Variants in MORC3 observed in about 807,000 individuals in gnomAD.
MORC3 encodes the protein MORC family CW-type zinc finger 3, also known as MORC family CW-type zinc finger protein 3.
MORC3 carries 31 observed loss-of-function variants against 109.1 expected under a neutral mutation model. That is an observed-to-expected ratio of 0.28 (90% CI 0.21 to 0.38). The LOEUF (loss-of-function observed/expected upper bound fraction) is 0.38. Ranked by LOEUF, MORC3 falls within the 10% of genes least tolerant of loss-of-function variation. MORC3 has a pLI of 1.00. For missense variants in MORC3, 867 were observed against 1,135.8 expected, an observed-to-expected ratio of 0.76 and a Z score of 3.40; for synonymous variants, 395 against 380.7, an observed-to-expected ratio of 1.04 and a Z score of -0.44.
At chr21:36,363,454 C>T (rs1279205976) in intron 13 of MORC3, among the ~76,000 whole-genome samples, 2 of 152,064 alleles carry the variant, frequency 1.3e-5, no homozygotes, top group Admixed American at 6.6e-5. Context: ...ATCAAAAATG[C>T]ATTTAATACA....
intron 16 of MORC3, among the ~76,000 whole-genome samples, chr21:36,373,849 G>A (rs2085899521): frequency 1.3e-5 from 2 of 152,062 alleles, no homozygotes; most frequent in South Asian, 4.1e-4. Flanking sequence ...AAGAACAACT[G>A]TAACACTCAT....
At chr21:36,364,520 A>G (rs1355933847) in intron 14 of MORC3, among the ~76,000 whole-genome samples, 1 of 151,932 alleles carries the variant, frequency 6.6e-6, no homozygotes, top group Non-Finnish European at 1.5e-5. Flanking sequence ...CATCTCTACT[A>G]CAAATACAAA....
chr21:36,343,604 C>G (rs1407158627), intron 6 of MORC3, among the ~76,000 whole-genome samples: 3 of 151,700 alleles, frequency 2.0e-5, no homozygotes, highest in Non-Finnish European at 4.4e-5. Context: ...ATGCACTACC[C>G]TGCCTGGCTA....
At chr21:36,320,695 C>G (rs934809996) in intron 1 of MORC3, 1 of 198,992 alleles carries the variant, frequency 5.0e-6, no homozygotes, top group Admixed American at 6.1e-5. Flanking sequence ...GGTTCCGCGT[C>G]CAGAAACGCC....
At chr21:36,341,300 GTTTA>G (rs889330579) in intron 5 of MORC3, 95 bp from the exon 6 acceptor site, 39 of 1,173,348 alleles carry the variant, frequency 3.3e-5, no homozygotes, top group African/African-American at 4.7e-5. Flanking sequence ...CCATGTGTAG[GTTTA>G]TTTATTTGCT....
chr21:36,323,738 A>T (rs1250325773), intron 1 of MORC3, among the ~76,000 whole-genome samples: 3 of 152,182 alleles, frequency 2.0e-5, no homozygotes, highest in African/African-American at 7.2e-5. Context: ...TGGAAGCTCA[A>T]GTCCTTAACA....
chr21:36,367,924 G>A (rs1446972904), intron 14 of MORC3, among the ~76,000 whole-genome samples: 2 of 152,144 alleles, frequency 1.3e-5, no homozygotes. Flanking sequence ...ACTTGAGAGA[G>A]AAATAAAGAT....
chr21:36,357,043 C>G (rs188910831), intron 10 of MORC3, among the ~76,000 whole-genome samples: 1 of 152,314 alleles, frequency 6.6e-6, no homozygotes, highest in Non-Finnish European at 1.5e-5. Context: ...TGAAACCCAA[C>G]TTGAGTTCAT....
In MORC3 at chr21:36,369,596, C is replaced by T. The variant is rs769693996; in HGVS notation, c.2228C>T (p.Thr743Ile). The T allele has an allele frequency of 2.2e-5, 35 of 1,614,198 alleles. No homozygotes were observed. The highest frequency in any genetic ancestry group is 2.9e-5 in the Non-Finnish European group (34 of 1,180,046). ...AATGACAAGTATGTTAAGAAAGAAA[C>T]TTGCCATCAGTCCACTGAAACCGAT... The part of the protein sequence containing the change: ...EMNDKYVKKE[T>I]CHQSTETDAV... Residue 743 changes from threonine to isoleucine, a missense_variant, in exon 15 of 17, where the codon ACT (threonine) becomes ATT (isoleucine). Transcript: ENST00000400485.
In MORC3 at chr21:36,369,599, G is replaced by A; in HGVS notation, c.2231G>A (p.Cys744Tyr). ...MNDKYVKKETCHQSTETDAVF... is the reference protein window; with the variant it reads ...MNDKYVKKETYHQSTETDAVF... ...GACAAGTATGTTAAGAAAGAAACTT[G>A]CCATCAGTCCACTGAAACCGATGCT... Residue 744 changes from cysteine to tyrosine, a missense_variant, in exon 15 of 17, where the codon TGC becomes TAC. By Grantham distance (194) the Cys-to-Tyr change is radical (BLOSUM62 -2). This residue lies in a region of MORC3 where 486 missense variants were observed against 502.1 expected (regional missense o/e 0.97). Coordinates refer to ENST00000400485, the MANE Select transcript of MORC3 (RefSeq NM_015358.3). The A allele has an allele frequency of 1.2e-6, 2 of 1,614,200 alleles. No homozygotes were observed. The highest frequency in any genetic ancestry group is 3.3e-4 in the Middle Eastern group (2 of 6,062).
chr21:36,369,450 C>A lies in MORC3; in HGVS notation c.2082C>A (p.Cys694Ter). The A allele has an allele frequency of 6.2e-7, 1 of 1,614,016 alleles. No homozygotes were observed. The highest frequency in any genetic ancestry group is 8.5e-7 in the Non-Finnish European group (1 of 1,180,010). Residue 694 changes from cysteine to a stop codon, truncating the protein, a stop_gained, in exon 15 of 17, where the codon TGC becomes TGA. Transcript: ENST00000400485. LOFTEE classifies it high-confidence loss of function. ...ATAAATCTGCAGATGATGCAGGCTG[C>A]CAATTACAAGAACTGAGAAACCAGC... ...TTDKSADDAGCQLQELRNQLL... is the reference protein window; with the variant it reads ...TTDKSADDAG
Position 36,372,595 on chromosome 21 carries a change from C to T in MORC3, c.2666+64C>T. The T allele has an allele frequency of 2.8e-6, 4 of 1,430,870 alleles. No homozygotes were observed. In the South Asian group the frequency reaches 4.6e-5, roughly 16 times the overall value. The allele number at this position is 1,430,870 out of a possible 1,614,324, so 88.6% of individuals were successfully genotyped here. A position where few individuals can be genotyped will look rare whatever the true frequency, so the allele number is the denominator to read the frequency against. On this transcript the variant is annotated intron_variant, in intron 16 of 16. Transcript: ENST00000400485. ...TGGTTAGGATACTATTTATTTTTAT[C>T]TGCTAGCACCCATCAAATAGATACT...
At chr21:36,329,575 A>G (rs982104010) in intron 1 of MORC3, among the ~76,000 whole-genome samples, 1 of 152,148 alleles carries the variant, frequency 6.6e-6, no homozygotes, top group African/African-American at 2.4e-5. Context: ...CCAAAAATAA[A>G]ATTCTAAGGC....
chr21:36,333,375 C>G, intron 1 of MORC3: 1 of 426,244 alleles, frequency 2.3e-6, no homozygotes, highest in Non-Finnish European at 4.2e-6. Flanking sequence ...AGGTATGTCC[C>G]TATTTGGGAT....
rs965706299 is a variant in MORC3 at position 36,341,387 on chromosome 21, T to A, written c.609-12T>A. 1.9e-6 allele frequency: 3 copies of A among 1,595,408 alleles called. No homozygotes were observed. The highest frequency in any genetic ancestry group is 2.6e-6 in the Non-Finnish European group (3 of 1,174,372). Reference sequence around the variant, plus strand: ...GTTAAATTTTGGTTCTTTCTAAAAATTATTTTTACAGCTACAAAAATGCAA... The same window carrying A: ...GTTAAATTTTGGTTCTTTCTAAAAAATATTTTTACAGCTACAAAAATGCAA... On this transcript the variant is annotated splice_polypyrimidine_tract_variant and intron_variant, in intron 5 of 16. Coordinates refer to ENST00000400485, the MANE Select transcript of MORC3 (RefSeq NM_015358.3).
chr21:36,365,613 C>A (rs2085771799), intron 14 of MORC3, among the ~76,000 whole-genome samples: 2 of 152,060 alleles, frequency 1.3e-5, no homozygotes. Flanking sequence ...CGGAGTTTGG[C>A]TTTTGTTGCC....
chr21:36,344,885 G>C, intron 7 of MORC3, 27 bp from the exon 8 acceptor site: 1 of 1,609,706 alleles, frequency 6.2e-7, no homozygotes, highest in Non-Finnish European at 8.5e-7. Context: ...GAGGTGTTGT[G>C]TTCAAAATTT....
At chr21:36,327,155 C>CTTTTTTTTT (rs71326674) in intron 1 of MORC3, among the ~76,000 whole-genome samples, 10 of 81,950 alleles carry the variant, frequency 1.2e-4, no homozygotes, top group African/African-American at 3.4e-4. Context: ...GGCTTTATTT[C>CTTTTTTTTT]TTTTTTTTTT....
In MORC3 at chr21:36,327,918, C is replaced by T. The variant is rs1381559043; in HGVS notation, c.40-5728C>T. Among the ~76,000 whole-genome samples, 3 of 151,702 alleles carry T rather than the reference C, an allele frequency of 2.0e-5. No homozygotes were observed. In the East Asian group the frequency reaches 5.8e-4, roughly 29 times the overall value. On this transcript the variant is annotated intron_variant, in intron 1 of 16. Transcript: ENST00000400485. The stretch of plus-strand genomic sequence containing the variant: ...CTGAGACAGAGTCTTGTTCTGTTGC[C>T]CAGTCTGGAGTGCAGTGGCATGATC...
Sources: allele counts gnomAD v4.1 joint callset (sites outside exome capture counted in the v4.1 genomes callset), GRCh38; gene constraint gnomAD v4.1.1; regional missense constraint gnomAD v4.1.1; transcripts MANE v1.5; gene names NCBI Gene and HGNC (gene_info 2026-07-23, HGNC 2026-07-21).